The following KCNH8 variants were observed in gnomAD, a reference collection of about 807,000 sequenced individuals.
KCNH8 encodes the protein potassium voltage-gated channel subfamily H member 8, also known as voltage-gated delayed rectifier potassium channel KCNH8.
A neutral mutation model predicts 103.6 loss-of-function variants in KCNH8; 70 were observed. The ratio of observed to expected loss-of-function variants is 0.68; its 90% CI spans 0.56 to 0.82. The LOEUF (loss-of-function observed/expected upper bound fraction) is 0.82. Among genes scored for constraint, KCNH8 ranks in the 40% least tolerant of loss-of-function variants. The pLI is 0.00. For synonymous variants in KCNH8, 498 were observed against 489.4 expected (o/e 1.02, Z -0.23); for missense variants, 1,217 against 1,329.9 (o/e 0.92, Z 1.32).
chr3:19,436,266 A>G (rs2067197941), intron 7 of KCNH8, among the ~76,000 whole-genome samples: 2 of 151,924 alleles, frequency 1.3e-5, no homozygotes, highest in Non-Finnish European at 2.9e-5. Flanking sequence ...ATGTTTTTTC[A>G]TTCAAAATGT....
intron 3 of KCNH8, among the ~76,000 whole-genome samples, chr3:19,317,505 C>A (rs767861215): frequency 2.0e-5 from 3 of 151,796 alleles, no homozygotes; most frequent in Non-Finnish European, 4.4e-5. Flanking sequence ...TTAATTTGGA[C>A]ATGCTATTTA....
At chr3:19,208,656 G>C (rs1435565714) in intron 1 of KCNH8, among the ~76,000 whole-genome samples, 2 of 151,920 alleles carry the variant, frequency 1.3e-5, no homozygotes, top group African/African-American at 4.8e-5. Context: ...AAATTAATAA[G>C]AGGACAATAA....
At chr3:19,367,090 G>A (rs2066022420) in intron 5 of KCNH8, among the ~76,000 whole-genome samples, 1 of 151,860 alleles carries the variant, frequency 6.6e-6, no homozygotes, top group African/African-American at 2.4e-5. Flanking sequence ...TGTGGCTCCA[G>A]CCATACTGAC....
rs7610294 is a variant in KCNH8 at position 19,351,941 on chromosome 3, C to A, written c.811+3976C>A. ...GCTCCAATTAAAAGACACAGACTGG[C>A]AAATTGGATAAAGAGTCAAGACCCA... On this transcript the variant is annotated intron_variant, in intron 5 of 15. Transcript: ENST00000328405. 4.8e-3 allele frequency among the ~76,000 whole-genome samples: 724 copies of A among 152,152 alleles called. 6 individuals carry two copies. Among genetic ancestry groups the A allele is most frequent in the African/African-American group, 0.016 (670 of 41,510 alleles).
At chr3:19,204,569 C>CA (rs956973924) in intron 1 of KCNH8, among the ~76,000 whole-genome samples, 1 of 151,614 alleles carries the variant, frequency 6.6e-6, no homozygotes, top group African/African-American at 2.4e-5. Context: ...AAGCATGTAA[C>CA]AAAAACATTT....
chr3:19,313,810 T>A (rs2065238404), intron 3 of KCNH8, among the ~76,000 whole-genome samples: 1 of 151,912 alleles, frequency 6.6e-6, no homozygotes, highest in Non-Finnish European at 1.5e-5. Context: ...CCTGGTTACC[T>A]TAAGGTCCTA....
At chr3:19,358,409 T>A (rs1161847537) in intron 5 of KCNH8, among the ~76,000 whole-genome samples, 1 of 151,832 alleles carries the variant, frequency 6.6e-6, no homozygotes, top group Non-Finnish European at 1.5e-5. Flanking sequence ...AATAAAACTA[T>A]TGTACCACCC....
chr3:19,514,484 A>G (rs899282706), intron 13 of KCNH8, among the ~76,000 whole-genome samples: 1 of 151,962 alleles, frequency 6.6e-6, no homozygotes, highest in African/African-American at 2.4e-5. Context: ...TTACATTTAT[A>G]AAAAGAATAT....
chr3:19,167,801 T>C (rs987728628), intron 1 of KCNH8, among the ~76,000 whole-genome samples: 8 of 152,134 alleles, frequency 5.3e-5, no homozygotes, highest in Non-Finnish European at 1.0e-4. Context: ...CAACCAGAAA[T>C]TTAACATTGA....
intron 10 of KCNH8, among the ~76,000 whole-genome samples, chr3:19,452,420 T>A (rs149560849): frequency 6.6e-6 from 1 of 152,254 alleles, no homozygotes; most frequent in East Asian, 1.9e-4. Flanking sequence ...GTTTGTTTAT[T>A]CACCTAACGT....
At chr3:19,487,160 C>T (rs1295978952) in intron 11 of KCNH8, among the ~76,000 whole-genome samples, 1 of 152,162 alleles carries the variant, frequency 6.6e-6, no homozygotes, top group Non-Finnish European at 1.5e-5. Context: ...AAGCCGGGTC[C>T]AAGTGTACTG....
At chr3:19,199,981 G>C (rs149580195) in intron 1 of KCNH8, among the ~76,000 whole-genome samples, 1 of 151,974 alleles carries the variant, frequency 6.6e-6, no homozygotes, top group Non-Finnish European at 1.5e-5. Context: ...CCTATGTGAC[G>C]TGAATATCTT....
At chr3:19,194,565 T>C (rs1450612853) in intron 1 of KCNH8, among the ~76,000 whole-genome samples, 1 of 151,708 alleles carries the variant, frequency 6.6e-6, no homozygotes, top group Non-Finnish European at 1.5e-5. Context: ...CTCCATAGGG[T>C]GCACAAGTTA....
At position 19,303,058 on chromosome 3, in the gene KCNH8, A is replaced by G. The variant is rs543096603; in HGVS notation, c.442+21729A>G. ...AACCTCAATCTGTTAGCTTCTGACC[A>G]CTTACTTCCTCAAGGATATATCAAA... is the stretch of plus-strand genomic sequence containing the variant. On this transcript the variant is annotated intron_variant, in intron 3 of 15. Transcript: ENST00000328405. Among the ~76,000 whole-genome samples, 23 of 152,320 alleles carry G rather than the reference A, an allele frequency of 1.5e-4. No homozygotes were observed. The East Asian group carries it at 4.4e-3, about 29-fold the overall frequency.
chr3:19,205,099 A>G (rs1384660535), intron 1 of KCNH8, among the ~76,000 whole-genome samples: 1 of 151,978 alleles, frequency 6.6e-6, no homozygotes, highest in African/African-American at 2.4e-5. Context: ...CCAGTCATCT[A>G]CTTACCTGTT....
intron 2 of KCNH8, among the ~76,000 whole-genome samples, chr3:19,274,271 A>G (rs927971434): frequency 2.6e-5 from 4 of 152,196 alleles, no homozygotes; most frequent in African/African-American, 4.8e-5. Context: ...CAGGTTGATC[A>G]GTGGGAAATT....
chr3:19,378,843 T>C (rs2066248428), intron 5 of KCNH8, among the ~76,000 whole-genome samples: 1 of 152,208 alleles, frequency 6.6e-6, no homozygotes, highest in Non-Finnish European at 1.5e-5. Context: ...ACGTAAAAAA[T>C]TCTCCTTGCA....
rs562127986 is a variant in KCNH8, at chr3:19,287,648, C to T, written c.442+6319C>T. ...GTTGCCAGGCTGGAGTGCAGTGGCA[C>T]AATCTCGGCTCACTGCAACCTCCAC... On this transcript the variant is annotated intron_variant, in intron 3 of 15. Transcript: ENST00000328405. Among the ~76,000 whole-genome samples, 3 of 152,098 alleles carry T rather than the reference C, an allele frequency of 2.0e-5. No homozygotes were observed. In the South Asian group the frequency reaches 6.2e-4, roughly 31 times the overall value.
chr3:19,480,794 A>G (rs897276299), intron 11 of KCNH8, among the ~76,000 whole-genome samples: 2 of 152,330 alleles, frequency 1.3e-5, no homozygotes, highest in East Asian at 3.9e-4. Flanking sequence ...ATGAGTACTA[A>G]GAAACTATAT....
Sources: allele counts gnomAD v4.1 joint callset (sites outside exome capture counted in the v4.1 genomes callset), GRCh38; gene constraint gnomAD v4.1.1; transcripts MANE v1.5; gene names NCBI Gene and HGNC (gene_info 2026-07-23, HGNC 2026-07-21).